AMZ2: variants seen among roughly 807,000 people sequenced by gnomAD.
The protein encoded by AMZ2 is archaemetzincin-2.
In AMZ2, 26 loss-of-function variants were observed where a neutral mutation model predicts 36.7. That is an observed-to-expected ratio of 0.71 (90% CI 0.52 to 0.98). The LOEUF (loss-of-function observed/expected upper bound fraction) is 0.98. Ranked by LOEUF, AMZ2 falls within the 50% of genes least tolerant of loss-of-function variation. The probability of loss-of-function intolerance (pLI) is 0.00; values close to 1 mark genes in which losing one functional copy is unlikely to be tolerated. For missense variants in AMZ2, 394 were observed against 430.5 expected (o/e 0.92, Z 0.75); for synonymous variants, 144 against 149.1 (o/e 0.97, Z 0.25).
chr17:68,250,637 TG>T, intron 2 of AMZ2, 156 bp from the exon 3 acceptor site: 1 of 1,173,082 alleles, frequency 8.5e-7, no homozygotes, highest in Non-Finnish European at 1.2e-6. Context: ...GATAACATTT[TG>T]TTTCTTTTTG....
At chr17:68,221,647 G>A (rs1367410461) in intron 1 of AMZ2, among the ~76,000 whole-genome samples, 34 of 152,032 alleles carry the variant, frequency 2.2e-4, no homozygotes, top group African/African-American at 8.0e-4. Flanking sequence ...AGAATCGCTT[G>A]AACCTGAGAG....
At chr17:68,255,918 A>T (rs782739339) in intron 6 of AMZ2, 42 bp downstream of exon 6, 32 of 1,590,594 alleles carry the variant, frequency 2.0e-5, no homozygotes, top group Admixed American at 5.2e-5. Flanking sequence ...GGAAGTGGTT[A>T]TCTGAGTAGC....
chr17:68,225,811 A>G (rs1555729734), intron 1 of AMZ2, among the ~76,000 whole-genome samples: 2 of 152,140 alleles, frequency 1.3e-5, no homozygotes, highest in African/African-American at 4.8e-5. Flanking sequence ...TTTAGTAAAG[A>G]TGAAATTTCA....
chr17:68,235,833 CTTT>C lies in AMZ2; in HGVS notation c.-66-12796_-66-12794del, dbSNP rs72439805. Among the ~76,000 whole-genome samples the C allele has an allele frequency of 2.0e-5, 3 of 146,490 alleles. No individual in the cohort carries two copies. Among genetic ancestry groups the C allele is most frequent in the African/African-American group, 2.5e-5 (1 of 40,024 alleles). On this transcript the variant is annotated intron_variant, in intron 1 of 7. Coordinates refer to the AMZ2 transcript ENST00000674770. This position sits in a 1 kb window ranked among gnomAD's most constrained non-coding sequence, Gnocchi z 4.2. ...CTCCAAGACTTAGCCCAAAATCTTA[CTTT>C]TTTTTTTTTTCGAGATAGTTTCTCA...
chr17:68,255,748 T>A lies in AMZ2; in HGVS notation c.799T>A (p.Trp267Arg). The A allele has an allele frequency of 6.2e-7, 1 of 1,614,204 alleles. No individual in the cohort carries two copies. Residue 267 changes from tryptophan (W) to arginine (R), a missense_variant, in exon 6 of 7, where the codon TGG (tryptophan) becomes AGG (arginine). By Grantham distance (101) the Trp-to-Arg change is moderately radical. Coordinates refer to ENST00000359904, the MANE Select transcript of AMZ2 (RefSeq NM_016627.5). ...GHIFGLRHCQWLACLMQGSNH... is the reference protein window; with the variant it reads ...GHIFGLRHCQRLACLMQGSNH... ...CATATTTGGACTGCGACACTGCCAGTGGCTTGCATGCCTCATGCAAGGCTC... is the reference window on the plus strand; with the variant it reads ...CATATTTGGACTGCGACACTGCCAGAGGCTTGCATGCCTCATGCAAGGCTC...
At chr17:68,217,745 T>C (rs1277291116) in intron 1 of AMZ2, among the ~76,000 whole-genome samples, 1 of 152,174 alleles carries the variant, frequency 6.6e-6, no homozygotes, top group Non-Finnish European at 1.5e-5. Context: ...CCATTATTGC[T>C]TTTATTTAAT....
intron 1 of AMZ2, among the ~76,000 whole-genome samples, chr17:68,219,353 C>T (rs782639838): frequency 1.3e-5 from 2 of 152,196 alleles, no homozygotes; most frequent in Admixed American, 6.5e-5. Flanking sequence ...CCTCTCACCT[C>T]TTCTGTCTGG....
At chr17:68,237,250 G>A (rs1800577427) in intron 1 of AMZ2, among the ~76,000 whole-genome samples, 1 of 152,162 alleles carries the variant, frequency 6.6e-6, no homozygotes, top group Admixed American at 6.5e-5. Context: ...GTTGAAAAAT[G>A]TGCACCACGA....
chr17:68,237,881 C>A (rs1555733081), intron 1 of AMZ2, among the ~76,000 whole-genome samples: 1 of 152,130 alleles, frequency 6.6e-6, no homozygotes, highest in Non-Finnish European at 1.5e-5. Flanking sequence ...TTCCCTCCCC[C>A]AGAAAGTCTA....
chr17:68,218,317 T>G (rs1334466543), intron 1 of AMZ2, among the ~76,000 whole-genome samples: 2 of 152,154 alleles, frequency 1.3e-5, no homozygotes, highest in African/African-American at 4.8e-5. Context: ...TTTCTGTCAC[T>G]GTCCATTCTA....
chr17:68,232,797 T>C (rs1295448205), intron 1 of AMZ2, among the ~76,000 whole-genome samples: 1 of 151,960 alleles, frequency 6.6e-6, no homozygotes, highest in Non-Finnish European at 1.5e-5. Context: ...TGAGCTGAGA[T>C]TGCACCACTG....
At chr17:68,217,123 C>T (rs1555727482) in intron 1 of AMZ2, among the ~76,000 whole-genome samples, 7 of 151,686 alleles carry the variant, frequency 4.6e-5, no homozygotes, top group Non-Finnish European at 4.4e-5. Flanking sequence ...AGTTCTGTTT[C>T]CTGATATATC....
chr17:68,238,265 T>G (rs2073831314), intron 1 of AMZ2, among the ~76,000 whole-genome samples: 1 of 152,066 alleles, frequency 6.6e-6, no homozygotes, highest in South Asian at 2.1e-4. Flanking sequence ...CAGGCTGATC[T>G]CAAACTCCTG....
Position 68,250,475 on chromosome 17 carries a change from A to C in AMZ2, c.283+5A>C. On this transcript the variant is annotated splice_donor_5th_base_variant and intron_variant, in intron 2 of 6. Coordinates refer to ENST00000359904, the MANE Select transcript of AMZ2 (RefSeq NM_016627.5). Reference sequence around the variant, plus strand: ...GCATTTATATACAGTCCATTGGTAAATACTGGTAATGTGCTGGTTTTGGTT... The same window carrying C: ...GCATTTATATACAGTCCATTGGTAACTACTGGTAATGTGCTGGTTTTGGTT... 1 of 1,612,686 alleles carries C rather than the reference A, an allele frequency of 6.2e-7. No individual in the cohort carries two copies.
chr17:68,250,704 G>T, intron 2 of AMZ2, 90 bp from the exon 3 acceptor site: 3 of 1,319,066 alleles, frequency 2.3e-6, no homozygotes, highest in Non-Finnish European at 3.1e-6. Context: ...AGTTGGTTTT[G>T]TTTCTAATTT....
At chr17:68,247,280 G>A (rs2074060973), upstream of AMZ2, 1 of 143,164 alleles carries the variant, frequency 7.0e-6, no homozygotes, top group Non-Finnish European at 1.5e-5. Context: ...AGGTTGCACT[G>A]AGCCCAGACT....
chr17:68,249,254 ATCT>A, intron 1 of AMZ2: 1 of 312,492 alleles, frequency 3.2e-6, no homozygotes, highest in Non-Finnish European at 5.3e-6. Context: ...GATGTTGAAG[ATCT>A]TTGAGTCACA....
intron 2 of AMZ2, 150 bp downstream of exon 2, chr17:68,250,620 C>G: frequency 8.1e-7 from 1 of 1,238,292 alleles, no homozygotes; most frequent in Non-Finnish European, 1.1e-6. Context: ...GCCAAACTGA[C>G]TTAAAAGATA....
At chr17:68,211,172 C>T (rs2073034098) in intron 1 of AMZ2, among the ~76,000 whole-genome samples, 1 of 151,876 alleles carries the variant, frequency 6.6e-6, no homozygotes, top group South Asian at 2.1e-4. Flanking sequence ...TTGAGTAGGG[C>T]CAGTGATTCT....
Sources: gnomAD v4.1 joint callset for allele counts (sites outside exome capture counted in the v4.1 genomes callset) on GRCh38, gnomAD v4.1.1 for gene constraint, Gnocchi (gnomAD v3.1) non-coding constraint, MANE v1.5 for transcripts, NCBI Gene and HGNC (gene_info 2026-07-23, HGNC 2026-07-21) for gene names.